MTSS1: variants seen among roughly 807,000 people sequenced by gnomAD.
The protein encoded by MTSS1 is protein MTSS 1.
A neutral mutation model predicts 79.0 loss-of-function variants in MTSS1; 18 were observed. The ratio of observed to expected loss-of-function variants is 0.23; its 90% CI spans 0.16 to 0.34. The LOEUF (loss-of-function observed/expected upper bound fraction) is 0.34, where lower values mean the gene tolerates loss of function less well. Ranked by LOEUF, MTSS1 falls within the 10% of genes least tolerant of loss-of-function variation. The probability of loss-of-function intolerance (pLI) is 1.00; values close to 1 mark genes in which losing one functional copy is unlikely to be tolerated. For missense variants in MTSS1, 815 were observed against 986.2 expected (o/e 0.83, Z 2.33); for synonymous variants, 341 against 368.6 (o/e 0.93, Z 0.86).
At chr8:124,651,851 G>A (rs554982483) in intron 3 of MTSS1, among the ~76,000 whole-genome samples, 9 of 152,234 alleles carry the variant, frequency 5.9e-5, no homozygotes, top group East Asian at 1.9e-4. Flanking sequence ...GCTGCCAGGC[G>A]TGCTCCCCTA....
chr8:124,659,733 T>G (rs1821642089), intron 3 of MTSS1, among the ~76,000 whole-genome samples: 1 of 152,212 alleles, frequency 6.6e-6, no homozygotes, highest in Non-Finnish European at 1.5e-5. Flanking sequence ...GATTCTCTAC[T>G]CAAGTGCATT....
intron 3 of MTSS1, among the ~76,000 whole-genome samples, chr8:124,619,821 A>G (rs535193769): frequency 5.3e-5 from 8 of 152,316 alleles, no homozygotes; most frequent in Admixed American, 2.6e-4. Context: ...GATGAGTCCA[A>G]CACATTGCTG....
intron 3 of MTSS1, among the ~76,000 whole-genome samples, chr8:124,657,355 C>CT (rs1821141273): frequency 6.6e-6 from 1 of 151,052 alleles, no homozygotes; most frequent in Non-Finnish European, 1.5e-5. Context: ...ATAGTATTGT[C>CT]TTTTTTGTGT....
At chr8:124,571,663 T>C (rs764031325) in intron 6 of MTSS1, among the ~76,000 whole-genome samples, 4 of 152,084 alleles carry the variant, frequency 2.6e-5, no homozygotes, top group Non-Finnish European at 4.4e-5. Flanking sequence ...GGTAGCAATT[T>C]AAAAAAATAA....
At chr8:124,724,461 C>A (rs755272398) in intron 1 of MTSS1, among the ~76,000 whole-genome samples, 1 of 152,130 alleles carries the variant, frequency 6.6e-6, no homozygotes, top group Admixed American at 6.6e-5. Context: ...GGTTGTCTTG[C>A]GCCAGTCACA....
At position 124,629,062 on chromosome 8, in the gene MTSS1, C is replaced by T. The variant is rs549913281; in HGVS notation, c.209-37827G>A. On this transcript the variant is annotated intron_variant, in intron 3 of 13. Transcript: ENST00000518547. ...AGTGCTGGGCACTCATGAGCCAGGC[C>T]TAGGCCTAAGCTCTGTGTACACATT... Among the ~76,000 whole-genome samples the T allele has an allele frequency of 2.0e-5, 3 of 152,332 alleles. No homozygotes were observed. In the South Asian group the frequency reaches 6.2e-4, roughly 32 times the overall value.
Position 124,727,506 on chromosome 8 carries a change from G to A in MTSS1, c.72+378C>T. On this transcript the variant is annotated intron_variant, in intron 1 of 13. Coordinates refer to ENST00000518547, the MANE Select transcript of MTSS1 (RefSeq NM_014751.6). This position sits in a 1 kb window ranked among gnomAD's most constrained non-coding sequence, Gnocchi z 4.7. ...CGCCAGGCGCCCCCACCCCGTGCCC[G>A]GAGGAATCAGGTGTCCTCCCGGGCA... 2 of 461,302 alleles carry A rather than the reference G, an allele frequency of 4.3e-6. No homozygotes were observed. The highest frequency in any genetic ancestry group is 6.8e-5 in the East Asian group (1 of 14,678). 28.6% of individuals were successfully genotyped at this position (461,302 alleles called of 1,614,324 possible). A position where few individuals can be genotyped will look rare whatever the true frequency, so the allele number is the denominator to read the frequency against.
chr8:124,580,972 A>G (rs1453384001), intron 6 of MTSS1, among the ~76,000 whole-genome samples: 2 of 150,422 alleles, frequency 1.3e-5, no homozygotes, highest in African/African-American at 4.9e-5. Flanking sequence ...ATGAAAATGG[A>G]AAAAAAAAAT....
intron 3 of MTSS1, among the ~76,000 whole-genome samples, chr8:124,621,605 C>T (rs1490640658): frequency 2.6e-5 from 4 of 152,124 alleles, no homozygotes; most frequent in Non-Finnish European, 5.9e-5. Context: ...AGTGCAGTGG[C>T]GCCATCTCGG....
intron 3 of MTSS1, among the ~76,000 whole-genome samples, chr8:124,594,634 C>T (rs80220466): frequency 6.6e-6 from 1 of 152,168 alleles, no homozygotes; most frequent in African/African-American, 2.4e-5. Flanking sequence ...CTCTGTAGAA[C>T]AGGAAGCCCT....
Position 124,656,993 on chromosome 8 carries a change from G to A in MTSS1, c.208+42533C>T, listed in dbSNP as rs1037257059. On this transcript the variant is annotated intron_variant, in intron 3 of 13. Coordinates refer to ENST00000518547, the MANE Select transcript of MTSS1 (RefSeq NM_014751.6). ...ATGGCATTTTTACGAAAACAGGAAG[G>A]CTGTAATAAATTAGACTAAATTAAA... 1.3e-5 allele frequency among the ~76,000 whole-genome samples: 2 copies of A among 152,004 alleles called. 1 individual carries two copies. The highest frequency in any genetic ancestry group is 4.2e-4 in the South Asian group (2 of 4,814).
chr8:124,586,910 T>C (rs1018072641), intron 5 of MTSS1, among the ~76,000 whole-genome samples: 1 of 152,264 alleles, frequency 6.6e-6, no homozygotes, highest in Non-Finnish European at 1.5e-5. Flanking sequence ...CTGTGTTTTA[T>C]TGGATGAGTA....
intron 10 of MTSS1, among the ~76,000 whole-genome samples, chr8:124,559,452 G>T (rs944969089): frequency 6.6e-6 from 1 of 152,176 alleles, no homozygotes; most frequent in Non-Finnish European, 1.5e-5. Flanking sequence ...GTGTGATTTT[G>T]GGGTTTGGGG....
At chr8:124,637,754 G>A (rs907700903) in intron 3 of MTSS1, among the ~76,000 whole-genome samples, 7 of 152,152 alleles carry the variant, frequency 4.6e-5, no homozygotes, top group Admixed American at 3.9e-4. Flanking sequence ...AGTGAGGGGG[G>A]GTAATCTTCC....
rs1422796609 is a variant in MTSS1, at chr8:124,699,659, A to T, written c.135-60T>A. 4 of 1,478,386 alleles carry T rather than the reference A, an allele frequency of 2.7e-6. No individual in the cohort carries two copies. The African/African-American group carries it at 5.5e-5, about 20-fold the overall frequency. 91.6% of individuals were successfully genotyped at this position (1,478,386 alleles called of 1,614,324 possible). A position where few individuals can be genotyped will look rare whatever the true frequency, so the allele number is the denominator to read the frequency against. ...TGTCTCTCCCTAGCAAATTCATTAC[A>T]GCTCAAGGCCTAAAACCTCTGCTAA... On this transcript the variant is annotated intron_variant, in intron 2 of 13. Transcript: ENST00000518547.
At chr8:124,602,178 C>CATATATATACATAT (rs1563835528) in intron 3 of MTSS1, among the ~76,000 whole-genome samples, 48 of 101,350 alleles carry the variant, frequency 4.7e-4, no homozygotes, top group African/African-American at 2.1e-3. Context: ...AAATAAATCT[C>CATATATATACATAT]ATATATATAC....
At chr8:124,580,416 T>C in intron 6 of MTSS1, 1 of 886,864 alleles carries the variant, frequency 1.1e-6, no homozygotes, top group African/African-American at 1.7e-5. Context: ...TTGTGGAAAA[T>C]TAGGTAGGCA....
At chr8:124,591,065 T>G in intron 4 of MTSS1, 86 bp downstream of exon 4, 6 of 1,120,250 alleles carry the variant, frequency 5.4e-6, no homozygotes, top group Non-Finnish European at 8.1e-6. Flanking sequence ...TTGTGGGGAT[T>G]TAAATGCTGT....
chr8:124,712,066 G>A (rs1831250178), intron 1 of MTSS1, among the ~76,000 whole-genome samples: 1 of 151,560 alleles, frequency 6.6e-6, no homozygotes, highest in Non-Finnish European at 1.5e-5. Context: ...GTAGAAAAAT[G>A]CCTGGTAGAA....
Sources: allele counts gnomAD v4.1 joint callset (sites outside exome capture counted in the v4.1 genomes callset), GRCh38; gene constraint gnomAD v4.1.1; non-coding constraint Gnocchi (gnomAD v3.1); transcripts MANE v1.5; gene names NCBI Gene and HGNC (gene_info 2026-07-23, HGNC 2026-07-21).